The following CCDC14 variants were observed in gnomAD, a reference collection of about 807,000 sequenced individuals.
CCDC14 encodes the protein coiled-coil domain-containing protein 14.
CCDC14 carries 71 observed loss-of-function variants against 81.4 expected under a neutral mutation model. That is an observed-to-expected ratio of 0.87 (90% CI 0.72 to 1.06). The LOEUF (loss-of-function observed/expected upper bound fraction) is 1.06, where lower values mean the gene tolerates loss of function less well. CCDC14 is among the 50% of genes least tolerant of loss of function. The pLI, the probability that CCDC14 is intolerant of heterozygous loss-of-function variation, is 0.00. For synonymous variants in CCDC14, 332 were observed against 364.8 expected (o/e 0.91, Z 1.03); for missense variants, 1,046 against 1,047.3 (o/e 1.00, Z 0.02).
chr3:123,914,298 A>C lies in CCDC14; in HGVS notation c.*481T>G, dbSNP rs2034536255. 1.0e-6 allele frequency: 1 copy of C among 984,310 alleles called. No individual in the cohort carries two copies. The highest frequency in any genetic ancestry group is 6.2e-5 in the Admixed American group (1 of 16,238). 61.0% of individuals were successfully genotyped at this position (984,310 alleles called of 1,614,324 possible). A position where few individuals can be genotyped will look rare whatever the true frequency, so the allele number is the denominator to read the frequency against. ...TTTCTCTTTAAATAAATGTTTATAT[A>C]TTTCACCAACAACACTGGCCTGTGG... On this transcript the variant is annotated 3_prime_UTR_variant, in exon 13 of 13. Transcript: ENST00000409697.
At chr3:123,897,928 G>A (rs1055903737) in intron 5 of CCDC14, among the ~76,000 whole-genome samples, 3 of 152,164 alleles carry the variant, frequency 2.0e-5, no homozygotes, top group African/African-American at 7.2e-5. Flanking sequence ...TAAATCTGGA[G>A]ATATTTTATA....
chr3:123,928,462 C>T lies in CCDC14; in HGVS notation c.1778+2640G>A, dbSNP rs182630269. On this transcript the variant is annotated intron_variant, in intron 12 of 12. Transcript: ENST00000409697. ...CGGAGCTTGCAGTGAGCCAAGATAG[C>T]GCCACTGCACTCCAGCCTGGGCGAC... 2.6e-3 allele frequency among the ~76,000 whole-genome samples: 395 copies of T among 151,690 alleles called. 2 individuals are homozygous for T. The highest frequency in any genetic ancestry group is 9.2e-3 in the African/African-American group (382 of 41,348).
downstream of CCDC14, among the ~76,000 whole-genome samples, chr3:123,893,332 A>G (rs2034015628): frequency 6.6e-6 from 1 of 152,094 alleles, no homozygotes; most frequent in South Asian, 2.1e-4. Flanking sequence ...ATCATATAAT[A>G]TTTATCCTTT....
chr3:123,892,164 G>T, the CCDC14 span, among the ~76,000 whole-genome samples: 1 of 152,232 alleles, frequency 6.6e-6, no homozygotes, highest in Non-Finnish European at 1.5e-5. Context: ...GAAGCTATAA[G>T]ATGAGATTTG....
intron 8 of CCDC14, among the ~76,000 whole-genome samples, chr3:123,945,443 A>C (rs749916042): frequency 2.6e-5 from 4 of 152,218 alleles, no homozygotes; most frequent in Non-Finnish European, 5.9e-5. Flanking sequence ...AATATGGCAA[A>C]ATATTGAGTG....
At position 123,944,219 on chromosome 3, in the gene CCDC14, G is replaced by A. The variant is rs192883357; in HGVS notation, c.1343+630C>T. Among the ~76,000 whole-genome samples, 192 of 152,236 alleles carry A rather than the reference G, an allele frequency of 1.3e-3. 1 individual carries two copies. Among genetic ancestry groups the A allele is most frequent in the African/African-American group, 3.8e-3 (159 of 41,560 alleles). On this transcript the variant is annotated intron_variant, in intron 9 of 12. Transcript: ENST00000409697. The stretch of plus-strand genomic sequence containing the variant: ...TTTGGTCATATAAGTGTTCTGTGTC[G>A]ATTGCTGTGGTGTGAGAGCAGAAGA...
chr3:123,956,436 C>G lies in CCDC14; in HGVS notation c.87-9G>C. On this transcript the variant is annotated splice_polypyrimidine_tract_variant and intron_variant, in intron 2 of 12. Transcript: ENST00000409697. ...TTTTTCTTAAATAGGTCCTGGAAAA[C>G]AAGCTTATTAATATTCTTACAAATA... 1 of 1,526,422 alleles carries G rather than the reference C, an allele frequency of 6.6e-7. No homozygotes were observed. The highest frequency in any genetic ancestry group is 8.9e-7 in the Non-Finnish European group (1 of 1,128,586). The allele number at this position is 1,526,422 out of a possible 1,614,324, so 94.6% of individuals were successfully genotyped here.
chr3:123,908,746 G>C (rs1332513113), downstream of CCDC14, among the ~76,000 whole-genome samples: 1 of 152,088 alleles, frequency 6.6e-6, no homozygotes, highest in Non-Finnish European at 1.5e-5. Flanking sequence ...TATGGGGAGG[G>C]GAGAGGTAGT....
At chr3:123,944,812 T>C in intron 9 of CCDC14, 37 bp downstream of exon 9, 1 of 1,577,526 alleles carries the variant, frequency 6.3e-7, no homozygotes, top group South Asian at 1.2e-5. Context: ...GAGACATCTT[T>C]GCATACAGAC....
At chr3:123,898,695 TC>T (rs2034118439) in intron 5 of CCDC14, among the ~76,000 whole-genome samples, 1 of 152,166 alleles carries the variant, frequency 6.6e-6, no homozygotes, top group African/African-American at 2.4e-5. Context: ...CAGTACGTTT[TC>T]TTTTTCTTTG....
At chr3:123,887,007 C>T in the CCDC14 span, among the ~76,000 whole-genome samples, 29 of 152,072 alleles carry the variant, frequency 1.9e-4, 1 homozygote, top group Non-Finnish European at 3.8e-4. Context: ...TCCCAATTTA[C>T]TAATTTGCTT....
intron 1 of CCDC14, chr3:123,957,769 C>A (rs2037412066): frequency 2.6e-5 from 4 of 151,950 alleles, no homozygotes; most frequent in Admixed American, 2.0e-4. Context: ...TATTTTATAT[C>A]TTAATAATTT....
downstream of CCDC14, among the ~76,000 whole-genome samples, chr3:123,909,542 AT>A (rs1298616160): frequency 1.3e-5 from 2 of 152,238 alleles, no homozygotes; most frequent in East Asian, 3.8e-4. Context: ...ATTATGTCAC[AT>A]GCTAAACAGA....
intron 5 of CCDC14, chr3:123,949,469 T>G (rs1005018132): frequency 4.3e-6 from 1 of 230,930 alleles, no homozygotes; most frequent in African/African-American, 2.2e-5. Flanking sequence ...CTTCACCTTG[T>G]TCCTTGTCAG....
Position 123,914,159 on chromosome 3 carries a change from A to AT in CCDC14, c.*619dup, listed in dbSNP as rs1166884088. ...AAAGGCCTTAAAACATGAATTTGGG[A>AT]TAAAAACAAATAAAAGTGCCCAAGT... On this transcript the variant is annotated 3_prime_UTR_variant, in exon 13 of 13. Transcript: ENST00000409697. 30 of 985,114 alleles carry AT rather than the reference A, an allele frequency of 3.0e-5. No homozygotes were observed. Among genetic ancestry groups the AT allele is most frequent in the Non-Finnish European group, 3.5e-5 (29 of 829,358 alleles). The allele number at this position is 985,114 out of a possible 1,614,324, so 61.0% of individuals were successfully genotyped here.
intron 9 of CCDC14, among the ~76,000 whole-genome samples, chr3:123,934,420 C>T (rs2035945704): frequency 6.8e-6 from 1 of 146,284 alleles, no homozygotes; most frequent in Non-Finnish European, 1.5e-5. Flanking sequence ...ATCTTCATCA[C>T]TGTAGTTAAT....
intron 5 of CCDC14, among the ~76,000 whole-genome samples, chr3:123,951,256 T>C (rs2037002402): frequency 6.6e-6 from 1 of 152,190 alleles, no homozygotes; most frequent in Non-Finnish European, 1.5e-5. Flanking sequence ...AAAAACTCAA[T>C]GTTAAATATC....
At chr3:123,932,939 A>G (rs1437936824) in intron 10 of CCDC14, among the ~76,000 whole-genome samples, 1 of 151,964 alleles carries the variant, frequency 6.6e-6, no homozygotes, top group Non-Finnish European at 1.5e-5. Context: ...TCTCTAATAA[A>G]AATACAAAAA....
At chr3:123,941,206 G>A (rs2036330831) in intron 9 of CCDC14, among the ~76,000 whole-genome samples, 1 of 151,830 alleles carries the variant, frequency 6.6e-6, no homozygotes, top group African/African-American at 2.4e-5. Flanking sequence ...AAAATTAATG[G>A]GGCACCACAG....
Sources: gnomAD v4.1 joint callset for allele counts (sites outside exome capture counted in the v4.1 genomes callset) on GRCh38, gnomAD v4.1.1 for gene constraint, MANE v1.5 for transcripts, NCBI Gene and HGNC (gene_info 2026-07-23, HGNC 2026-07-21) for gene names.